USP6NL: variants seen among roughly 807,000 people sequenced by gnomAD.
USP6NL encodes the protein USP6 N-terminal like.
In USP6NL, 26 loss-of-function variants were observed where a neutral mutation model predicts 61.9. That is an observed-to-expected ratio of 0.42 (90% CI 0.31 to 0.58). The LOEUF is 0.58. Among genes scored for constraint, USP6NL ranks in the 20% least tolerant of loss-of-function variants. USP6NL has a pLI of 0.16. For synonymous variants in USP6NL, 432 were observed against 390.1 expected (o/e 1.11, Z -1.27); for missense variants, 1,114 against 1,034.3 (o/e 1.08, Z -1.06).
chr10:11,519,530 T>A (rs145124171), intron 4 of USP6NL, among the ~76,000 whole-genome samples: 42 of 152,238 alleles, frequency 2.8e-4, no homozygotes, highest in Non-Finnish European at 5.7e-4. Context: ...CCTGGGAGGC[T>A]GACACAGGAG....
chr10:11,609,473 T>G (rs1351963738), intron 1 of USP6NL, among the ~76,000 whole-genome samples: 1 of 152,216 alleles, frequency 6.6e-6, no homozygotes, highest in Non-Finnish European at 1.5e-5. Context: ...AAAAAAATCG[T>G]TACAGTGAAA....
In USP6NL at chr10:11,481,036, C is replaced by T. The variant is rs1183597314; in HGVS notation, c.1078+734G>A. On this transcript the variant is annotated intron_variant, in intron 14 of 14. Transcript: ENST00000609104. The surrounding 1 kb of genome is among the most constrained non-coding windows in gnomAD (Gnocchi z 4.4). Reference sequence around the variant, plus strand: ...CACTCCCCTTCTTCTGCTCCTCTCCCATTTACCCTGCGGCTAGCTCTAGTA... The same window carrying T: ...CACTCCCCTTCTTCTGCTCCTCTCCTATTTACCCTGCGGCTAGCTCTAGTA... Among the ~76,000 whole-genome samples, 1 of 152,140 alleles carries T rather than the reference C, an allele frequency of 6.6e-6. No individual in the cohort carries two copies. The highest frequency in any genetic ancestry group is 1.5e-5 in the Non-Finnish European group (1 of 68,028).
chr10:11,537,113 G>T lies in USP6NL; in HGVS notation c.5-9546C>A, dbSNP rs1835862588. Among the ~76,000 whole-genome samples, 1 of 150,298 alleles carries T rather than the reference G, an allele frequency of 6.7e-6. No individual in the cohort carries two copies. The highest frequency in any genetic ancestry group is 2.4e-5 in the African/African-American group (1 of 41,364). On this transcript the variant is annotated intron_variant, in intron 2 of 14. Coordinates refer to ENST00000609104, the MANE Select transcript of USP6NL (RefSeq NM_014688.5). The surrounding 1 kb of genome is among the most constrained non-coding windows in gnomAD (Gnocchi z 5.1). ...TATTCCTCCAGGTTTTGTTTTTGGG[G>T]GATTTTGTTTGTTTTGAGACAAGGT...
rs752037051 is a variant in USP6NL at position 11,561,890 on chromosome 10, T to G, written c.5-34323A>C. On this transcript the variant is annotated intron_variant, in intron 2 of 14. Transcript: ENST00000609104. The surrounding 1 kb of genome is among the most constrained non-coding windows in gnomAD (Gnocchi z 4.1). ...AATTTTAGCCAGTCTTGAAACAATA[T>G]TTCATTATTGTTTATATATGCATTC... Among the ~76,000 whole-genome samples the G allele has an allele frequency of 6.6e-6, 1 of 152,252 alleles. No individual in the cohort carries two copies. Among genetic ancestry groups the G allele is most frequent in the Non-Finnish European group, 1.5e-5 (1 of 68,042 alleles).
intron 2 of USP6NL, among the ~76,000 whole-genome samples, chr10:11,531,336 T>G (rs181114591): frequency 6.6e-6 from 1 of 152,248 alleles, no homozygotes; most frequent in Admixed American, 6.5e-5. Flanking sequence ...TCTTTTTTTC[T>G]TTTTGAGACC....
chr10:11,526,751 A>C (rs1835436619), intron 3 of USP6NL, among the ~76,000 whole-genome samples: 1 of 152,192 alleles, frequency 6.6e-6, no homozygotes, highest in East Asian at 1.9e-4. Flanking sequence ...GACATTTATA[A>C]ATCACTGCTA....
At chr10:11,573,164 T>C (rs952804278) in intron 2 of USP6NL, among the ~76,000 whole-genome samples, 1 of 152,124 alleles carries the variant, frequency 6.6e-6, no homozygotes, top group Non-Finnish European at 1.5e-5. Flanking sequence ...TTATCAGCTA[T>C]TCACACAAAT....
chr10:11,531,228 G>C (rs891647193), intron 2 of USP6NL, among the ~76,000 whole-genome samples: 3 of 152,140 alleles, frequency 2.0e-5, no homozygotes, highest in Non-Finnish European at 4.4e-5. Context: ...TAATTAAAGA[G>C]TAATCAGTGT....
chr10:11,544,012 C>T (rs562515615), intron 2 of USP6NL, among the ~76,000 whole-genome samples: 4 of 151,934 alleles, frequency 2.6e-5, no homozygotes, highest in Non-Finnish European at 4.4e-5. Context: ...AGAGTTTCAC[C>T]GTGTTAGCCA....
Position 11,461,187 on chromosome 10 carries a change from GTT to G in USP6NL, c.*1252_*1253del, listed in dbSNP as rs943341791. On this transcript the variant is annotated 3_prime_UTR_variant, in exon 15 of 15. Transcript: ENST00000609104. ...TTGGAGTGCCTAAATCTTTGTCAGT[GTT>G]TTGGTATCTGTAGTGTAACAGAATA... 2 of 152,310 alleles carry G rather than the reference GTT, an allele frequency of 1.3e-5. No homozygotes were observed. Among genetic ancestry groups the G allele is most frequent in the African/African-American group, 4.8e-5 (2 of 41,360 alleles). 9.4% of individuals were successfully genotyped at this position (152,310 alleles called of 1,614,324 possible).
At position 11,460,847 on chromosome 10, in the gene USP6NL, C is replaced by T. The variant is rs2096211880; in HGVS notation, c.*1594G>A. On this transcript the variant is annotated 3_prime_UTR_variant, in exon 15 of 15. Transcript: ENST00000609104. ...CTTCCACCTGACCTGCATCAACAGCCCAGTTATTTCACCAGAATTTTGTTT... is the reference window on the plus strand; with the variant it reads ...CTTCCACCTGACCTGCATCAACAGCTCAGTTATTTCACCAGAATTTTGTTT... 6.6e-6 allele frequency: 1 copy of T among 152,114 alleles called. No individual in the cohort carries two copies. The highest frequency in any genetic ancestry group is 2.4e-5 in the African/African-American group (1 of 41,318). 9.4% of individuals were successfully genotyped at this position (152,114 alleles called of 1,614,324 possible).
chr10:11,561,890 T>A lies in USP6NL; in HGVS notation c.5-34323A>T, dbSNP rs752037051. The stretch of plus-strand genomic sequence containing the variant: ...AATTTTAGCCAGTCTTGAAACAATA[T>A]TTCATTATTGTTTATATATGCATTC... On this transcript the variant is annotated intron_variant, in intron 2 of 14. Coordinates refer to ENST00000609104, the MANE Select transcript of USP6NL (RefSeq NM_014688.5). The surrounding 1 kb of genome is among the most constrained non-coding windows in gnomAD (Gnocchi z 4.1). 2.6e-5 allele frequency among the ~76,000 whole-genome samples: 4 copies of A among 152,252 alleles called. No homozygotes were observed. The highest frequency in any genetic ancestry group is 4.4e-5 in the Non-Finnish European group (3 of 68,042).
chr10:11,523,411 T>C (rs1448991915), intron 4 of USP6NL, among the ~76,000 whole-genome samples: 1 of 152,256 alleles, frequency 6.6e-6, no homozygotes, highest in Non-Finnish European at 1.5e-5. Context: ...CTATATTCAT[T>C]ATTTTACAAT....
chr10:11,568,149 T>TTGTGTGTGTGTGTG (rs35053647), intron 2 of USP6NL, among the ~76,000 whole-genome samples: 2 of 149,706 alleles, frequency 1.3e-5, no homozygotes, highest in Non-Finnish European at 3.0e-5. Flanking sequence ...CGGGAGGTAG[T>TTGTGTGTGTGTGTG]TGTGTGTGTG....
At chr10:11,555,091 TGTTTTTTTTTTTTTTTG>T (rs1319073303) in intron 2 of USP6NL, among the ~76,000 whole-genome samples, 2 of 78,738 alleles carry the variant, frequency 2.5e-5, no homozygotes, top group South Asian at 9.8e-4. Context: ...GCGCCTGGCC[TGTTTTTTTTTTTTTTTG>T]GTTTTTTTTT....
chr10:11,479,777 G>A (rs963787825), intron 14 of USP6NL, among the ~76,000 whole-genome samples: 7 of 151,922 alleles, frequency 4.6e-5, no homozygotes, highest in Admixed American at 6.6e-5. Context: ...GGGTTTCACC[G>A]TGTTAGCCAG....
rs1182869421 is a variant in USP6NL at position 11,490,719 on chromosome 10, A to C, written c.543+113T>G. The C allele has an allele frequency of 9.8e-7, 1 of 1,016,460 alleles. No homozygotes were observed. The highest frequency in any genetic ancestry group is 1.5e-6 in the Non-Finnish European group (1 of 688,928). 63.0% of individuals were successfully genotyped at this position (1,016,460 alleles called of 1,614,324 possible). On this transcript the variant is annotated intron_variant, in intron 9 of 14. Transcript: ENST00000609104. This position sits in a 1 kb window ranked among gnomAD's most constrained non-coding sequence, Gnocchi z 4.5. ...TAAAAAGATCCACAGAGCTAAAGAG[A>C]CCATGGAGACCACCTAGCTCTGAGA... is the stretch of plus-strand genomic sequence containing the variant.
chr10:11,553,904 A>G lies in USP6NL; in HGVS notation c.5-26337T>C, dbSNP rs1591920861. Among the ~76,000 whole-genome samples the G allele has an allele frequency of 6.9e-6, 1 of 145,970 alleles. No individual in the cohort carries two copies. The highest frequency in any genetic ancestry group is 1.5e-5 in the Non-Finnish European group (1 of 66,234). The stretch of plus-strand genomic sequence containing the variant: ...AGACTCCATCTCAAAAAAAAAAAAA[A>G]GCAAGATTAAAACAAGACAAGATGT... On this transcript the variant is annotated intron_variant, in intron 2 of 14. Transcript: ENST00000609104. The surrounding 1 kb of genome is among the most constrained non-coding windows in gnomAD (Gnocchi z 4.8).
rs1456895096 is a variant in USP6NL, at chr10:11,476,903, GCT to G, written c.1078+4865_1078+4866del. ...TATTATTTTTTCAAGACGGAGTCTTGCTCTGTCACCCAGGCTGAAGTGCAGTG... is the reference window on the plus strand; with the variant it reads ...TATTATTTTTTCAAGACGGAGTCTTGCTGTCACCCAGGCTGAAGTGCAGTG... On this transcript the variant is annotated intron_variant, in intron 14 of 14. Transcript: ENST00000609104. The surrounding 1 kb of genome is among the most constrained non-coding windows in gnomAD (Gnocchi z 4.3). Among the ~76,000 whole-genome samples the G allele has an allele frequency of 2.0e-5, 3 of 152,074 alleles. No homozygotes were observed. The highest frequency in any genetic ancestry group is 7.2e-5 in the African/African-American group (3 of 41,400).
Sources: gnomAD v4.1 joint callset for allele counts (sites outside exome capture counted in the v4.1 genomes callset) on GRCh38, gnomAD v4.1.1 for gene constraint, Gnocchi (gnomAD v3.1) non-coding constraint, MANE v1.5 for transcripts, NCBI Gene and HGNC (gene_info 2026-07-23, HGNC 2026-07-21) for gene names.